The following COL26A1 variants were observed in gnomAD, a reference collection of about 807,000 sequenced individuals.
COL26A1 encodes the protein collagen type XXVI alpha 1 chain, also known as collagen alpha-1(XXVI) chain.
Under a neutral mutation model 59.3 loss-of-function variants are expected in COL26A1, and 41 were observed. The observed-to-expected ratio is 0.69, with a 90% CI of 0.54 to 0.90. COL26A1 has a LOEUF of 0.90. COL26A1 is among the 40% of genes least tolerant of loss of function. The pLI, the probability that COL26A1 is intolerant of heterozygous loss-of-function variation, is 0.00. For missense variants in COL26A1, 612 were observed against 602.3 expected, an observed-to-expected ratio of 1.02 and a Z score of -0.17; for synonymous variants, 266 against 256.0, an observed-to-expected ratio of 1.04 and a Z score of -0.37.
intron 2 of COL26A1, among the ~76,000 whole-genome samples, chr7:101,436,822 TCTC>T: frequency 6.6e-6 from 1 of 152,018 alleles, no homozygotes; most frequent in African/African-American, 2.4e-5. Flanking sequence ...TTCAAGCAAT[TCTC>T]CTGCCTCAGC....
chr7:101,547,720 CATTT>C (rs201515877), intron 8 of COL26A1, among the ~76,000 whole-genome samples: 1,851 of 152,366 alleles, frequency 0.012, 44 homozygotes, highest in African/African-American at 0.042. Context: ...TTCATTCATT[CATTT>C]GTTTATTCAC....
At chr7:101,503,027 C>G (rs1794736601) in intron 3 of COL26A1, among the ~76,000 whole-genome samples, 1 of 152,156 alleles carries the variant, frequency 6.6e-6, no homozygotes, top group East Asian at 1.9e-4. Context: ...TGCCTGCTGC[C>G]CCCAGAACCT....
chr7:101,523,953 A>T lies in COL26A1; in HGVS notation c.386-9129A>T, dbSNP rs116268698. Reference sequence around the variant, plus strand: ...ATAGATCAACTGGAAGAATTTATATATATTTATTTATTTATTTTCAAAAAC... The same window carrying T: ...ATAGATCAACTGGAAGAATTTATATTTATTTATTTATTTATTTTCAAAAAC... On this transcript the variant is annotated intron_variant, in intron 3 of 12. Transcript: ENST00000313669. 6.1e-3 allele frequency among the ~76,000 whole-genome samples: 922 copies of T among 152,014 alleles called. 11 individuals carry two copies. Among genetic ancestry groups the T allele is most frequent in the African/African-American group, 0.021 (866 of 41,490 alleles).
At chr7:101,456,634 A>AG (rs35921983) in intron 3 of COL26A1, among the ~76,000 whole-genome samples, 67,593 of 151,406 alleles carry the variant, frequency 0.45, 15,937 homozygotes, top group Middle Eastern at 0.54. Context: ...ATTGCACTCC[A>AG]CCTCGGCAAC....
intron 3 of COL26A1, among the ~76,000 whole-genome samples, chr7:101,483,734 G>A (rs1011371931): frequency 4.6e-5 from 7 of 151,290 alleles, no homozygotes; most frequent in African/African-American, 1.7e-4. Context: ...GAGTGCAATG[G>A]CGCGATCTCA....
chr7:101,517,035 T>C (rs1364119272), intron 3 of COL26A1, among the ~76,000 whole-genome samples: 1 of 152,144 alleles, frequency 6.6e-6, no homozygotes, highest in African/African-American at 2.4e-5. Context: ...AACTGCCTCC[T>C]GCCAGGAAAG....
Position 101,447,799 on chromosome 7 carries a change from G to GCCCAAGT in COL26A1, c.385+12_385+13insCCCAAGT. On this transcript the variant is annotated intron_variant, in intron 3 of 12. Transcript: ENST00000313669. ...CAACTGTGATGAGGGTAAGTTGGCAGGCACTTGGGCTGCAGGGGGCCAGGC... is the reference window on the plus strand; with the variant it reads ...CAACTGTGATGAGGGTAAGTTGGCAGCCCAAGTGCACTTGGGCTGCAGGGGGCCAGGC... 1.3e-6 allele frequency: 2 copies of GCCCAAGT among 1,563,152 alleles called. No individual in the cohort carries two copies. The highest frequency in any genetic ancestry group is 1.7e-6 in the Non-Finnish European group (2 of 1,145,240).
chr7:101,466,829 TGTGTGTGTGA>T (rs1230160976), intron 3 of COL26A1, among the ~76,000 whole-genome samples: 1 of 138,776 alleles, frequency 7.2e-6, no homozygotes, highest in African/African-American at 2.8e-5. Flanking sequence ...TGTGTGTGTG[TGTGTGTGTGA>T]GAGAGAGAGA....
intron 1 of COL26A1, among the ~76,000 whole-genome samples, chr7:101,405,127 C>A (rs901849027): frequency 2.1e-5 from 3 of 145,092 alleles, no homozygotes; most frequent in Non-Finnish European, 4.6e-5. Context: ...GAGACCGAGG[C>A]AGGAGAATGG....
Position 101,363,064 on chromosome 7 carries a change from G to A in COL26A1, c.32G>A (p.Cys11Tyr), listed in dbSNP as rs1790934342. Residue 11 changes from cysteine (C) to tyrosine (Y), a missense_variant, in exon 1 of 13, where the codon TGT becomes TAT. Transcript: ENST00000313669. ...CTGGCCCTGCTCCTGCCCTGGGCGT[G>A]TTGCTGCCTCTGCGGGTCGGCGCTG... MKLALLLPWA[C>Y]CCLCGSALAT... 1 of 1,582,446 alleles carries A rather than the reference G, an allele frequency of 6.3e-7. No homozygotes were observed. Among genetic ancestry groups the A allele is most frequent in the Non-Finnish European group, 8.5e-7 (1 of 1,172,976 alleles).
chr7:101,400,340 TC>T lies in COL26A1; in HGVS notation c.159-19636del, dbSNP rs1396682582. 2.0e-5 allele frequency among the ~76,000 whole-genome samples: 3 copies of T among 148,936 alleles called. No individual in the cohort carries two copies. In the East Asian group the frequency reaches 5.9e-4, roughly 29 times the overall value. On this transcript the variant is annotated intron_variant, in intron 1 of 12. Coordinates refer to ENST00000313669, the MANE Select transcript of COL26A1 (RefSeq NM_001278563.3). ...TCCAGACCTCAGTCCACACTGCCTT[TC>T]TTTTTTTTCCTATTTTTTTTTTTTT... is the stretch of plus-strand genomic sequence containing the variant.
At chr7:101,414,194 A>G (rs1445834801) in intron 1 of COL26A1, among the ~76,000 whole-genome samples, 1 of 152,042 alleles carries the variant, frequency 6.6e-6, no homozygotes, top group Non-Finnish European at 1.5e-5. Flanking sequence ...TTTCCAGCCC[A>G]TTTAAAGACC....
rs542056870 is a variant in COL26A1, at chr7:101,409,565, CTGGAAGCTGGAAG to C, written c.159-10410_159-10398del. The stretch of plus-strand genomic sequence containing the variant: ...AAAAGAAGTTTATCTTCTCATAGTT[CTGGAAGCTGGAAG>C]TAGAAGCTGGAAGTAGATCAAGGTG... On this transcript the variant is annotated intron_variant, in intron 1 of 12. Transcript: ENST00000313669. 2.2e-3 allele frequency among the ~76,000 whole-genome samples: 332 copies of C among 152,318 alleles called. 1 individual carries two copies. The highest frequency in any genetic ancestry group is 7.6e-3 in the African/African-American group (314 of 41,556).
intron 2 of COL26A1, among the ~76,000 whole-genome samples, chr7:101,427,123 A>G (rs932542329): frequency 2.0e-5 from 3 of 152,242 alleles, no homozygotes; most frequent in Non-Finnish European, 4.4e-5. Flanking sequence ...CAGTGGCACA[A>G]TCATAGCTCA....
chr7:101,448,395 A>G (rs778798687), intron 3 of COL26A1, among the ~76,000 whole-genome samples: 24 of 152,174 alleles, frequency 1.6e-4, no homozygotes, highest in African/African-American at 3.4e-4. Flanking sequence ...GGCCAGGGAA[A>G]TTGAGTCCTG....
intron 4 of COL26A1, 118 bp from the exon 5 acceptor site, chr7:101,539,775 A>G: frequency 9.6e-7 from 1 of 1,039,342 alleles, no homozygotes; most frequent in Non-Finnish European, 1.4e-6. Flanking sequence ...GTGACGGGGC[A>G]CACACAGCGT....
intron 3 of COL26A1, among the ~76,000 whole-genome samples, chr7:101,502,342 A>AAAC (rs760458711): frequency 7.9e-5 from 12 of 152,236 alleles, no homozygotes; most frequent in South Asian, 2.1e-4. Flanking sequence ...ACTCAGTCTC[A>AAAC]AACAACAACA....
intron 3 of COL26A1, among the ~76,000 whole-genome samples, chr7:101,489,815 T>C (rs1277329801): frequency 4.1e-3 from 19 of 4,668 alleles, no homozygotes; most frequent in South Asian, 6.4e-3. Context: ...TCTTTCTTTC[T>C]TTCTTTCTTT....
intron 3 of COL26A1, among the ~76,000 whole-genome samples, chr7:101,526,186 T>G (rs1795244849): frequency 6.6e-6 from 1 of 151,972 alleles, no homozygotes; most frequent in African/African-American, 2.4e-5. Flanking sequence ...GTAGTTGGGA[T>G]TACAGGTGCC....
Sources: gnomAD v4.1 joint callset for allele counts (sites outside exome capture counted in the v4.1 genomes callset) on GRCh38, gnomAD v4.1.1 for gene constraint, MANE v1.5 for transcripts, NCBI Gene and HGNC (gene_info 2026-07-23, HGNC 2026-07-21) for gene names.